SPEF2: variants seen among roughly 807,000 people sequenced by gnomAD.
The protein encoded by SPEF2 is sperm flagellar and cilia associated 2.
Under a neutral mutation model 224.6 loss-of-function variants are expected in SPEF2, and 187 were observed. The observed-to-expected ratio is 0.83, with a 90% CI of 0.74 to 0.94. SPEF2 has a LOEUF of 0.94. Among genes scored for constraint, SPEF2 ranks in the 40% least tolerant of loss-of-function variants. SPEF2 has a pLI of 0.00. For missense variants in SPEF2, 2,170 were observed against 2,135.6 expected (o/e 1.02, Z -0.32); for synonymous variants, 715 against 707.3 (o/e 1.01, Z -0.17).
chr5:35,787,721 A>G, intron 30 of SPEF2: 1 of 502,868 alleles, frequency 2.0e-6, no homozygotes, highest in Non-Finnish European at 3.5e-6. Context: ...AACTAGTTAA[A>G]GCACTTAACA....
chr5:35,672,591 A>C (rs941746132), intron 10 of SPEF2, among the ~76,000 whole-genome samples: 3 of 151,864 alleles, frequency 2.0e-5, no homozygotes, highest in Non-Finnish European at 4.4e-5. Flanking sequence ...GAAGAGACCA[A>C]AGATCTAAAA....
chr5:35,692,617 A>T lies in SPEF2; in HGVS notation c.1792A>T (p.Ile598Phe). 6.2e-7 allele frequency: 1 copy of T among 1,613,776 alleles called. No homozygotes were observed. The highest frequency in any genetic ancestry group is 8.5e-7 in the Non-Finnish European group (1 of 1,179,760). ...LSIDTLVQEA[I>F]QAFHDNEKVS... Reference sequence around the variant, plus strand: ...TATTGACACTCTTGTCCAAGAAGCTATCCAAGCATTTCATGACAATGAAAA... The same window carrying T: ...TATTGACACTCTTGTCCAAGAAGCTTTCCAAGCATTTCATGACAATGAAAA... The change falls in exon 12 of 37, where the codon ATC (isoleucine) becomes TTC (phenylalanine). Residue 598 changes from isoleucine (I) to phenylalanine (F), a missense_variant. Transcript: ENST00000356031.
intron 15 of SPEF2, chr5:35,700,196 G>A (rs906047723): frequency 1.2e-5 from 4 of 322,454 alleles, no homozygotes; most frequent in African/African-American, 8.4e-5. Context: ...AAATTGCCCA[G>A]TCTTGGGTAT....
chr5:35,692,857 A>G, intron 12 of SPEF2, 133 bp downstream of exon 12: 1 of 696,188 alleles, frequency 1.4e-6, no homozygotes, highest in Non-Finnish European at 2.2e-6. Flanking sequence ...TAGGTTCTGC[A>G]AAAGTCTAGA....
chr5:35,741,714 G>A (rs1261771151), intron 23 of SPEF2, among the ~76,000 whole-genome samples: 6 of 152,110 alleles, frequency 3.9e-5, no homozygotes, highest in Non-Finnish European at 5.9e-5. Context: ...GTTGCTGAAG[G>A]GTTTAACCCA....
intron 32 of SPEF2, among the ~76,000 whole-genome samples, chr5:35,794,085 G>T (rs990752945): frequency 2.6e-5 from 4 of 152,352 alleles, no homozygotes; most frequent in African/African-American, 9.6e-5. Context: ...AAGTTAGATG[G>T]CAGAGGGTTG....
chr5:35,793,173 A>C lies in SPEF2; in HGVS notation c.4569A>C (p.Thr1523=). Residue 1523 remains threonine (T), a synonymous_variant, in exon 32 of 37, where the codon ACA becomes ACC. Transcript: ENST00000356031. ...TTTTCTTCTAGTTACAGGAATTAAC[A>C]TCTTTATTAACAGTCAACTCCGAGT... ...HLTQPELQEL[T]SLLTVNSEFV... 6.2e-7 allele frequency: 1 copy of C among 1,613,986 alleles called. No individual in the cohort carries two copies. The highest frequency in any genetic ancestry group is 1.1e-5 in the South Asian group (1 of 91,016).
chr5:35,700,574 T>C lies in SPEF2; in HGVS notation c.2220T>C (p.Ala740=). ...TLNQAQLLEE[A]LTGCNRNLTE... ...ACCAAGCACAGCTTCTGGAAGAAGC[T>C]CTTACAGGCTGCAATAGAAACCTCA... Residue 740 remains alanine (A), a synonymous_variant, in exon 16 of 37, where the codon GCT becomes GCC. Coordinates refer to ENST00000356031, the MANE Select transcript of SPEF2 (RefSeq NM_024867.4). The C allele has an allele frequency of 1.9e-6, 3 of 1,613,810 alleles. No homozygotes were observed. Among genetic ancestry groups the C allele is most frequent in the African/African-American group, 1.3e-5 (1 of 75,004 alleles).
intron 26 of SPEF2, among the ~76,000 whole-genome samples, chr5:35,766,840 T>A (rs1056003303): frequency 6.6e-6 from 1 of 151,876 alleles, no homozygotes; most frequent in African/African-American, 2.4e-5. Flanking sequence ...ACTTTTATCA[T>A]CGAATTCAAA....
At chr5:35,681,289 T>C (rs1752762296) in intron 10 of SPEF2, among the ~76,000 whole-genome samples, 1 of 152,158 alleles carries the variant, frequency 6.6e-6, no homozygotes, top group African/African-American at 2.4e-5. Context: ...GATCTAATAA[T>C]ACAAATAAGA....
chr5:35,648,365 T>C (rs763232078), intron 5 of SPEF2, among the ~76,000 whole-genome samples: 1 of 149,118 alleles, frequency 6.7e-6, no homozygotes, highest in Non-Finnish European at 1.5e-5. Flanking sequence ...TTGATTAAAG[T>C]TTTTTTTTTG....
chr5:35,707,725 G>C (rs10064741), intron 18 of SPEF2, among the ~76,000 whole-genome samples: 91,694 of 151,748 alleles, frequency 0.6, 27,786 homozygotes, highest in African/African-American at 0.63. Flanking sequence ...CTCCAGTCAG[G>C]CATGCTCCAT....
chr5:35,702,110 GA>G (rs11357084), intron 16 of SPEF2: 215,980 of 451,478 alleles, frequency 0.48, 53,452 homozygotes, highest in Non-Finnish European at 0.53. Context: ...GCCAAGGGAG[GA>G]CAAATCTTCA....
chr5:35,763,760 T>C, intron 26 of SPEF2, 58 bp downstream of exon 26: 1 of 1,457,162 alleles, frequency 6.9e-7, no homozygotes, highest in Non-Finnish European at 9.1e-7. Context: ...GTACCAAGGT[T>C]GGTAATATGC....
intron 26 of SPEF2, among the ~76,000 whole-genome samples, chr5:35,771,117 A>G (rs1752789655): frequency 6.6e-6 from 1 of 152,088 alleles, no homozygotes; most frequent in Admixed American, 6.6e-5. Flanking sequence ...ATAAACAAAT[A>G]TGCTTCTGCA....
At position 35,779,115 on chromosome 5, in the gene SPEF2, A is replaced by G; in HGVS notation, c.4218-2A>G. The G allele has an allele frequency of 6.2e-7, 1 of 1,609,138 alleles. No homozygotes were observed. The highest frequency in any genetic ancestry group is 8.5e-7 in the Non-Finnish European group (1 of 1,177,096). ...TAACGCTATCCATTTTACCACTTTC[A>G]GTACAGAAAAATTAACTGACGTAGC... On this transcript the variant is annotated splice_acceptor_variant, in intron 29 of 36. Coordinates refer to ENST00000356031, the MANE Select transcript of SPEF2 (RefSeq NM_024867.4). LOFTEE classifies it high-confidence loss of function.
At chr5:35,789,412 G>A (rs1234694835) in intron 30 of SPEF2, 2 of 694,568 alleles carry the variant, frequency 2.9e-6, no homozygotes, top group African/African-American at 1.8e-5. Context: ...TGTCAAACTA[G>A]ACAGTTTGAC....
intron 36 of SPEF2, among the ~76,000 whole-genome samples, chr5:35,808,548 C>T (rs1580813165): frequency 1.3e-5 from 2 of 152,070 alleles, no homozygotes; most frequent in Admixed American, 1.3e-4. Flanking sequence ...TGGTTTCCAG[C>T]TTCATCCATG....
chr5:35,680,167 T>C (rs1752585773), intron 10 of SPEF2, among the ~76,000 whole-genome samples: 1 of 152,200 alleles, frequency 6.6e-6, no homozygotes, highest in Admixed American at 6.5e-5. Context: ...CCCAAATTAA[T>C]AAACTGTTTT....
Sources: gnomAD v4.1 joint callset for allele counts (sites outside exome capture counted in the v4.1 genomes callset) on GRCh38, gnomAD v4.1.1 for gene constraint, MANE v1.5 for transcripts, NCBI Gene and HGNC (gene_info 2026-07-23, HGNC 2026-07-21) for gene names.